The following GCNT2 variants were observed in gnomAD, a reference collection of about 807,000 sequenced individuals.
GCNT2 encodes N-acetyllactosaminide beta-1,6-N-acetylglucosaminyl-transferase.
Under a neutral mutation model 34.2 loss-of-function variants are expected in GCNT2, and 34 were observed. The observed-to-expected ratio is 1.00, with a 90% CI of 0.76 to 1.32. The LOEUF is 1.32. Among genes scored for constraint, GCNT2 ranks in the 40% most tolerant of loss-of-function variants. The probability of loss-of-function intolerance (pLI) is 0.00; values close to 1 mark genes in which losing one functional copy is unlikely to be tolerated. For missense variants in GCNT2, 584 were observed against 489.4 expected (o/e 1.19, Z -1.82); for synonymous variants, 212 against 188.0 (o/e 1.13, Z -1.04).
intron 3 of GCNT2, among the ~76,000 whole-genome samples, chr6:10,594,233 T>G (rs1331856080): frequency 6.6e-6 from 1 of 152,194 alleles, no homozygotes; most frequent in East Asian, 1.9e-4. Flanking sequence ...GGCCACACTT[T>G]GAGAACTGCT....
chr6:10,605,026 G>A (rs867731303), intron 3 of GCNT2, among the ~76,000 whole-genome samples: 5 of 151,970 alleles, frequency 3.3e-5, no homozygotes, highest in Middle Eastern at 3.4e-3. Flanking sequence ...CATACCTGTG[G>A]TCCCAGCTAC....
Position 10,613,853 on chromosome 6 carries a change from C to A in GCNT2, c.926-7498C>A, listed in dbSNP as rs529024428. The stretch of plus-strand genomic sequence containing the variant: ...GACGTTGGATGATGTCCAGGGATAC[C>A]CAGCTGGTTAGTGGCAAAGCTGGAA... On this transcript the variant is annotated intron_variant, in intron 3 of 4. Transcript: ENST00000495262. Among the ~76,000 whole-genome samples, 25 of 152,204 alleles carry A rather than the reference C, an allele frequency of 1.6e-4. No homozygotes were observed. In the South Asian group the frequency reaches 3.7e-3, roughly 23 times the overall value.
At chr6:10,583,172 C>G (rs1236239282) in intron 3 of GCNT2, among the ~76,000 whole-genome samples, 6 of 152,168 alleles carry the variant, frequency 3.9e-5, no homozygotes, top group Admixed American at 1.3e-4. Context: ...CAAAGATCCC[C>G]GCCAACTCTC....
intron 3 of GCNT2, among the ~76,000 whole-genome samples, chr6:10,606,328 A>G (rs1233151300): frequency 6.6e-6 from 1 of 152,132 alleles, no homozygotes; most frequent in African/African-American, 2.4e-5. Flanking sequence ...AGGTTTGCTA[A>G]TGTCCCATTG....
At position 10,626,563 on chromosome 6, in the gene GCNT2, CTCAA is replaced by C. The variant is rs1114167314; in HGVS notation, c.1169_1172del (p.Asn390ArgfsTer20). 139 of 1,613,832 alleles carry C rather than the reference CTCAA, an allele frequency of 8.6e-5. No homozygotes were observed. The highest frequency in any genetic ancestry group is 1.1e-4 in the Non-Finnish European group (125 of 1,179,846). ...AGAACTGAGGCATCGCGAAAGAACC[CTCAA>C]TCAGAGTGAAACTGCGATACAACCC... On this transcript the variant is annotated frameshift_variant, in exon 5 of 5. Coordinates refer to ENST00000495262, the MANE Select transcript of GCNT2 (RefSeq NM_145649.5). LOFTEE classifies it high-confidence loss of function.
chr6:10,541,373 A>G (rs533269804), intron 3 of GCNT2, among the ~76,000 whole-genome samples: 1 of 152,290 alleles, frequency 6.6e-6, no homozygotes, highest in East Asian at 1.9e-4. Flanking sequence ...ATAATATTCT[A>G]TGGCGTATAT....
intron 3 of GCNT2, among the ~76,000 whole-genome samples, chr6:10,552,628 C>T (rs140035621): frequency 6.6e-6 from 1 of 152,136 alleles, no homozygotes; most frequent in Non-Finnish European, 1.5e-5. Context: ...AGGTTATATG[C>T]AAATACTACA....
chr6:10,586,163 C>CT (rs746491232), intron 3 of GCNT2: 27 of 1,614,166 alleles, frequency 1.7e-5, no homozygotes, highest in Non-Finnish European at 2.3e-5. Flanking sequence ...AAATGCCAGT[C>CT]TTTTTGTGGG....
rs540184461 is a variant in GCNT2 at position 10,591,555 on chromosome 6, G to A, written c.926-29796G>A. 9.2e-5 allele frequency among the ~76,000 whole-genome samples: 14 copies of A among 152,290 alleles called. No individual in the cohort carries two copies. The South Asian group carries it at 1.9e-3, about 20-fold the overall frequency. ...GCCAACCTGGGCCCATGATGCAGTC[G>A]GATTCTGATGCCAAGAGAAAGTCAC... On this transcript the variant is annotated intron_variant, in intron 3 of 4. Coordinates refer to ENST00000495262, the MANE Select transcript of GCNT2 (RefSeq NM_145649.5).
At chr6:10,593,742 A>G (rs1206099746) in intron 3 of GCNT2, among the ~76,000 whole-genome samples, 1 of 152,230 alleles carries the variant, frequency 6.6e-6, no homozygotes, top group Non-Finnish European at 1.5e-5. Context: ...GTATATATCA[A>G]TGTCCATAGT....
At chr6:10,556,144 C>T (rs1193742171) in intron 3 of GCNT2, 7 of 1,325,036 alleles carry the variant, frequency 5.3e-6, no homozygotes, top group South Asian at 1.6e-5. Flanking sequence ...CAGATGCAAA[C>T]GGGGAGGCAG....
chr6:10,547,156 C>A (rs766129267), intron 3 of GCNT2, among the ~76,000 whole-genome samples: 1 of 152,170 alleles, frequency 6.6e-6, no homozygotes, highest in Admixed American at 6.5e-5. Flanking sequence ...CTAATCATAT[C>A]TGCTCTCTCT....
At chr6:10,541,173 A>G (rs960953037) in intron 3 of GCNT2, among the ~76,000 whole-genome samples, 5 of 151,916 alleles carry the variant, frequency 3.3e-5, no homozygotes, top group African/African-American at 1.2e-4. Flanking sequence ...CCCTCTGCCA[A>G]CGCCCCCCAC....
chr6:10,576,576 A>C (rs1361902521), intron 3 of GCNT2, among the ~76,000 whole-genome samples: 1 of 152,272 alleles, frequency 6.6e-6, no homozygotes, highest in Non-Finnish European at 1.5e-5. Context: ...CAGAGGAAGA[A>C]GCATTTGAGA....
intron 3 of GCNT2, among the ~76,000 whole-genome samples, chr6:10,536,885 C>T (rs1308629446): frequency 5.9e-5 from 9 of 152,056 alleles, no homozygotes; most frequent in African/African-American, 2.2e-4. Context: ...ACTACCTCAG[C>T]CTCCTGAGTA....
chr6:10,522,692 G>T (rs1760977195), intron 1 of GCNT2, among the ~76,000 whole-genome samples: 1 of 152,188 alleles, frequency 6.6e-6, no homozygotes, highest in African/African-American at 2.4e-5. Context: ...CCTTGTGGAA[G>T]TATTCTACCT....
chr6:10,616,439 C>T (rs1381968352), intron 3 of GCNT2, among the ~76,000 whole-genome samples: 1 of 152,192 alleles, frequency 6.6e-6, no homozygotes, highest in Non-Finnish European at 1.5e-5. Context: ...TCTTATCTGG[C>T]CCCACCCACA....
At chr6:10,623,961 A>G (rs1484886521) in intron 4 of GCNT2, among the ~76,000 whole-genome samples, 9 of 152,242 alleles carry the variant, frequency 5.9e-5, no homozygotes, top group Non-Finnish European at 1.0e-4. Flanking sequence ...TTGACCCTAC[A>G]AGGCTGATTC....
chr6:10,586,016 T>G (rs183989959), intron 3 of GCNT2: 1 of 1,614,212 alleles, frequency 6.2e-7, no homozygotes, highest in East Asian at 2.2e-5. Flanking sequence ...ACTGCTTTTT[T>G]GCTTTCACTC....
Sources: allele counts gnomAD v4.1 joint callset (sites outside exome capture counted in the v4.1 genomes callset), GRCh38; gene constraint gnomAD v4.1.1; transcripts MANE v1.5; gene names NCBI Gene and HGNC (gene_info 2026-07-23, HGNC 2026-07-21).